PPP3CC: variants seen among roughly 807,000 people sequenced by gnomAD.
PPP3CC encodes protein phosphatase 3 catalytic subunit gamma.
Under a neutral mutation model 60.3 loss-of-function variants are expected in PPP3CC, and 35 were observed. That is an observed-to-expected ratio of 0.58 (90% CI 0.44 to 0.77). The LOEUF (loss-of-function observed/expected upper bound fraction) is 0.77. Among genes scored for constraint, PPP3CC ranks in the 30% least tolerant of loss-of-function variants. The pLI, the probability that PPP3CC is intolerant of heterozygous loss-of-function variation, is 0.00. For missense variants in PPP3CC, 570 were observed against 628.9 expected (o/e 0.91, Z 1.00); for synonymous variants, 206 against 224.3 (o/e 0.92, Z 0.73).
At position 22,441,390 on chromosome 8, in the gene PPP3CC, T is replaced by C; in HGVS notation, c.-20T>C. On this transcript the variant is annotated 5_prime_UTR_variant, in exon 1 of 14. Transcript: ENST00000240139. Reference sequence around the variant, plus strand: ...GCACGTCCGGCGGGCTCCTGGAGCCTGGAGGAGGCCGAGGGGACCATGTCC... The same window carrying C: ...GCACGTCCGGCGGGCTCCTGGAGCCCGGAGGAGGCCGAGGGGACCATGTCC... 1 of 1,533,702 alleles carries C rather than the reference T, an allele frequency of 6.5e-7. No individual in the cohort carries two copies. Among genetic ancestry groups the C allele is most frequent in the Non-Finnish European group, 8.8e-7 (1 of 1,141,066 alleles).
At chr8:22,520,231 G>A (rs1465928464) in intron 6 of PPP3CC, among the ~76,000 whole-genome samples, 1 of 152,078 alleles carries the variant, frequency 6.6e-6, no homozygotes, top group Admixed American at 6.5e-5. Flanking sequence ...TATATGACAA[G>A]TAGGTTTTCT....
chr8:22,450,511 CT>C lies in PPP3CC; in HGVS notation c.49+9054del, dbSNP rs372972174. Among the ~76,000 whole-genome samples, 407 of 152,348 alleles carry C rather than the reference CT, an allele frequency of 2.7e-3. 1 individual carries two copies. Among genetic ancestry groups the C allele is most frequent in the African/African-American group, 9.1e-3 (379 of 41,584 alleles). The stretch of plus-strand genomic sequence containing the variant: ...ATGTCCAGTCCCACCAGACTAAATG[CT>C]GTGAACCTTTGGTTTGTACATATCC... On this transcript the variant is annotated intron_variant, in intron 1 of 13. Transcript: ENST00000240139.
intron 4 of PPP3CC, among the ~76,000 whole-genome samples, chr8:22,498,324 C>G (rs893143483): frequency 1.3e-5 from 2 of 151,864 alleles, no homozygotes; most frequent in Non-Finnish European, 2.9e-5. Flanking sequence ...ATAAATAATT[C>G]GGGATATTTG....
intron 8 of PPP3CC, among the ~76,000 whole-genome samples, chr8:22,523,925 T>G (rs1563777878): frequency 6.6e-6 from 1 of 152,178 alleles, no homozygotes; most frequent in African/African-American, 2.4e-5. Flanking sequence ...ATTAATTATA[T>G]GGTAAGGCAA....
chr8:22,514,551 A>G (rs1305085952), intron 6 of PPP3CC, among the ~76,000 whole-genome samples: 1 of 151,956 alleles, frequency 6.6e-6, no homozygotes, highest in African/African-American at 2.4e-5. Context: ...ATATTTTGAT[A>G]TAGTCATACA....
At chr8:22,485,440 C>T (rs555517643) in intron 3 of PPP3CC, among the ~76,000 whole-genome samples, 1 of 152,206 alleles carries the variant, frequency 6.6e-6, no homozygotes, top group South Asian at 2.1e-4. Context: ...CCAGATCAGA[C>T]GGGAAGGGGA....
chr8:22,467,927 T>A (rs973957135), intron 1 of PPP3CC, among the ~76,000 whole-genome samples: 9 of 152,196 alleles, frequency 5.9e-5, no homozygotes, highest in Non-Finnish European at 1.2e-4. Context: ...CCTTTGGACC[T>A]CTTTTGTAAT....
intron 1 of PPP3CC, among the ~76,000 whole-genome samples, chr8:22,452,118 C>T (rs1456300847): frequency 2.6e-5 from 4 of 151,654 alleles, no homozygotes; most frequent in African/African-American, 9.7e-5. Context: ...CTCAAACAAA[C>T]TCCTGGCCTC....
chr8:22,469,854 A>G (rs902175834), intron 1 of PPP3CC, among the ~76,000 whole-genome samples: 1 of 151,962 alleles, frequency 6.6e-6, no homozygotes, highest in Admixed American at 6.6e-5. Flanking sequence ...GATAGATAAT[A>G]AGTGATTATT....
intron 1 of PPP3CC, among the ~76,000 whole-genome samples, chr8:22,456,225 C>T (rs899459523): frequency 6.6e-6 from 1 of 152,128 alleles, no homozygotes; most frequent in African/African-American, 2.4e-5. Context: ...TTCATACTCA[C>T]CGCAGGTCAA....
chr8:22,481,180 A>G (rs796963321), intron 3 of PPP3CC, among the ~76,000 whole-genome samples: 1 of 152,006 alleles, frequency 6.6e-6, no homozygotes, highest in South Asian at 2.1e-4. Context: ...CTAAAAATAC[A>G]AAAAGTTAGC....
intron 3 of PPP3CC, among the ~76,000 whole-genome samples, chr8:22,480,031 A>G (rs147873397): frequency 6.6e-6 from 1 of 152,138 alleles, no homozygotes; most frequent in African/African-American, 2.4e-5. Context: ...TATTTAGCCT[A>G]TTGCACTTAA....
chr8:22,539,517 G>C lies in PPP3CC; in HGVS notation c.1351+19G>C, dbSNP rs773983980. 1.9e-6 allele frequency: 3 copies of C among 1,611,576 alleles called. No homozygotes were observed. Among genetic ancestry groups the C allele is most frequent in the East Asian group, 4.5e-5 (2 of 44,864 alleles). ...CGGGAAGGTATGGCCATATTACTCTGATAGATGTGATCCATGTGTCTGTGT... is the reference window on the plus strand; with the variant it reads ...CGGGAAGGTATGGCCATATTACTCTCATAGATGTGATCCATGTGTCTGTGT... On this transcript the variant is annotated intron_variant, in intron 13 of 13. Coordinates refer to ENST00000240139, the MANE Select transcript of PPP3CC (RefSeq NM_005605.5).
At chr8:22,461,958 G>A (rs1263425594) in intron 1 of PPP3CC, among the ~76,000 whole-genome samples, 2 of 152,102 alleles carry the variant, frequency 1.3e-5, no homozygotes, top group Non-Finnish European at 2.9e-5. Flanking sequence ...TTTGAGGCTG[G>A]GCACAGTGGC....
chr8:22,485,032 A>G (rs1838184090), intron 3 of PPP3CC, among the ~76,000 whole-genome samples: 1 of 152,100 alleles, frequency 6.6e-6, no homozygotes, highest in African/African-American at 2.4e-5. Flanking sequence ...TTTGGAGTAT[A>G]TTATTTTCTA....
intron 5 of PPP3CC, 80 bp downstream of exon 5, chr8:22,511,311 A>G: frequency 1.4e-6 from 2 of 1,430,114 alleles, no homozygotes; most frequent in Non-Finnish European, 1.9e-6. Context: ...TTGCTTTGAG[A>G]CAGAGTCTCT....
intron 9 of PPP3CC, among the ~76,000 whole-genome samples, chr8:22,527,741 T>G (rs1024761220): frequency 1.2e-4 from 18 of 151,978 alleles, no homozygotes; most frequent in African/African-American, 4.1e-4. Context: ...GTTCAAGCAA[T>G]TCTCCTGCCT....
chr8:22,463,936 A>G (rs1426492828), intron 1 of PPP3CC, among the ~76,000 whole-genome samples: 1 of 151,754 alleles, frequency 6.6e-6, no homozygotes, highest in African/African-American at 2.4e-5. Flanking sequence ...ACAGGTGTCC[A>G]CCACCAAACC....
At chr8:22,452,829 C>T (rs1157221917) in intron 1 of PPP3CC, among the ~76,000 whole-genome samples, 1 of 148,194 alleles carries the variant, frequency 6.7e-6, no homozygotes, top group Non-Finnish European at 1.5e-5. Context: ...TCATCATCAT[C>T]ATAAGAATTA....
Sources: allele counts gnomAD v4.1 joint callset (sites outside exome capture counted in the v4.1 genomes callset), GRCh38; gene constraint gnomAD v4.1.1; transcripts MANE v1.5; gene names NCBI Gene and HGNC (gene_info 2026-07-23, HGNC 2026-07-21).